Variants in BRINP3 observed in about 807,000 individuals in gnomAD.
BRINP3 encodes BMP/retinoic acid-inducible neural-specific protein 3.
A neutral mutation model predicts 71.0 loss-of-function variants in BRINP3; 19 were observed. The observed-to-expected ratio is 0.27, with a 90% CI of 0.19 to 0.39. The LOEUF (loss-of-function observed/expected upper bound fraction) is 0.39, where lower values mean the gene tolerates loss of function less well. Ranked by LOEUF, BRINP3 falls within the 10% of genes least tolerant of loss-of-function variation. The pLI is 1.00. For missense variants in BRINP3, 959 were observed against 940.8 expected (o/e 1.02, Z -0.25); for synonymous variants, 380 against 337.7 (o/e 1.13, Z -1.37).
chr1:190,365,806 G>GTACA (rs1669456399), intron 2 of BRINP3, among the ~76,000 whole-genome samples: 1 of 127,876 alleles, frequency 7.8e-6, no homozygotes. Flanking sequence ...GAGAGCAAGT[G>GTACA]TATATATATA....
At chr1:190,247,287 C>A (rs903745318) in intron 4 of BRINP3, among the ~76,000 whole-genome samples, 7 of 151,792 alleles carry the variant, frequency 4.6e-5, no homozygotes, top group African/African-American at 1.7e-4. Flanking sequence ...AAATAATTTA[C>A]CTGCAATACC....
intron 6 of BRINP3, among the ~76,000 whole-genome samples, chr1:190,182,324 G>A (rs1406134911): frequency 6.6e-6 from 1 of 151,844 alleles, no homozygotes; most frequent in Non-Finnish European, 1.5e-5. Context: ...CAAGAAAGTT[G>A]GATCTTTTGT....
intron 2 of BRINP3, among the ~76,000 whole-genome samples, chr1:190,322,274 T>A (rs1418714981): frequency 6.6e-6 from 1 of 152,058 alleles, no homozygotes; most frequent in East Asian, 1.9e-4. Context: ...AAAGTCCTGA[T>A]AGGTTTGTGC....
chr1:190,257,632 T>C (rs1230392986), intron 4 of BRINP3, among the ~76,000 whole-genome samples: 1 of 152,228 alleles, frequency 6.6e-6, no homozygotes, highest in East Asian at 1.9e-4. Flanking sequence ...CTTTGGTCTT[T>C]GATGTTGGTA....
At chr1:190,282,783 A>G (rs1169248032) in intron 2 of BRINP3, among the ~76,000 whole-genome samples, 2 of 151,984 alleles carry the variant, frequency 1.3e-5, no homozygotes, top group African/African-American at 2.4e-5. Context: ...AAGACAGAAA[A>G]TTAAATTTTT....
chr1:190,336,836 C>CTCCTTCCT (rs35571580), intron 2 of BRINP3, among the ~76,000 whole-genome samples: 13 of 126,570 alleles, frequency 1.0e-4, no homozygotes, highest in South Asian at 3.1e-4. Context: ...CCCTCCCTCC[C>CTCCTTCCT]TCCTTCCTTC....
chr1:190,156,865 G>A (rs75014014), intron 7 of BRINP3, among the ~76,000 whole-genome samples: 2,507 of 151,968 alleles, frequency 0.016, 58 homozygotes, highest in African/African-American at 0.057. Context: ...TGTGTTGGAC[G>A]CTCCCAGTTT....
chr1:190,441,087 T>C (rs1384348893), intron 2 of BRINP3, among the ~76,000 whole-genome samples: 1 of 151,876 alleles, frequency 6.6e-6, no homozygotes, highest in Non-Finnish European at 1.5e-5. Context: ...GTAAAATACT[T>C]GAATGTTATG....
In BRINP3 at chr1:190,097,803, T is replaced by C. The variant is rs1032363526; in HGVS notation, c.*215A>G. On this transcript the variant is annotated 3_prime_UTR_variant, in exon 8 of 8. Coordinates refer to ENST00000367462, the MANE Select transcript of BRINP3 (RefSeq NM_199051.3). ...GTAAAAAGTAGAATGTCTTCTAGAC[T>C]GGTGTCAGTATTTATGTCATTCATA... is the stretch of plus-strand genomic sequence containing the variant. 3.9e-6 allele frequency: 2 copies of C among 508,744 alleles called. No homozygotes were observed. Among genetic ancestry groups the C allele is most frequent in the Non-Finnish European group, 6.9e-6 (2 of 289,890 alleles). 31.5% of individuals were successfully genotyped at this position (508,744 alleles called of 1,614,324 possible). A position where few individuals can be genotyped will look rare whatever the true frequency, so the allele number is the denominator to read the frequency against.
intron 2 of BRINP3, among the ~76,000 whole-genome samples, chr1:190,441,703 T>G (rs563762692): frequency 3.5e-4 from 53 of 152,188 alleles, no homozygotes; most frequent in African/African-American, 1.2e-3. Flanking sequence ...AGGTCAAATA[T>G]GTTTTTATTA....
chr1:190,445,961 C>T (rs1675191645), intron 2 of BRINP3, among the ~76,000 whole-genome samples: 1 of 152,030 alleles, frequency 6.6e-6, no homozygotes, highest in African/African-American at 2.4e-5. Context: ...TAGTAACAAA[C>T]ATGAATACAC....
intron 2 of BRINP3, among the ~76,000 whole-genome samples, chr1:190,430,292 T>C (rs1056696529): frequency 6.6e-6 from 1 of 152,152 alleles, no homozygotes; most frequent in Non-Finnish European, 1.5e-5. Context: ...GTGCACAATG[T>C]GATTAAAAGA....
At chr1:190,396,111 G>A (rs998203111) in intron 2 of BRINP3, among the ~76,000 whole-genome samples, 5 of 151,780 alleles carry the variant, frequency 3.3e-5, no homozygotes, top group African/African-American at 1.2e-4. Context: ...TTTGAAGGCA[G>A]AGAATATTAT....
At chr1:190,129,236 G>T (rs116225963) in intron 7 of BRINP3, among the ~76,000 whole-genome samples, 1,928 of 151,734 alleles carry the variant, frequency 0.013, 34 homozygotes, top group African/African-American at 0.044. Context: ...TTTTTTAGTC[G>T]TTTTCCTCTT....
intron 2 of BRINP3, among the ~76,000 whole-genome samples, chr1:190,379,381 A>T (rs1670375037): frequency 3.3e-5 from 5 of 152,180 alleles, no homozygotes; most frequent in Admixed American, 3.3e-4. Context: ...AACAATAACC[A>T]ATGAAAATAT....
chr1:190,445,609 T>G (rs1675164431), intron 2 of BRINP3, among the ~76,000 whole-genome samples: 1 of 149,206 alleles, frequency 6.7e-6, no homozygotes, highest in African/African-American at 2.5e-5. Context: ...TCAAGAAAAA[T>G]GTCAGGGAAC....
chr1:190,354,677 A>C (rs1161919304), intron 2 of BRINP3, among the ~76,000 whole-genome samples: 1 of 151,534 alleles, frequency 6.6e-6, no homozygotes, highest in African/African-American at 2.4e-5. Context: ...GTGATACCTC[A>C]CTAAATATTT....
intron 6 of BRINP3, among the ~76,000 whole-genome samples, chr1:190,194,660 A>C (rs1221770358): frequency 6.6e-6 from 1 of 152,084 alleles, no homozygotes; most frequent in Non-Finnish European, 1.5e-5. Context: ...CTATTGTTAA[A>C]ATGATAGAAT....
intron 2 of BRINP3, among the ~76,000 whole-genome samples, chr1:190,355,625 C>T (rs2102074794): frequency 6.6e-6 from 1 of 151,722 alleles, no homozygotes; most frequent in South Asian, 2.1e-4. Context: ...TTTTTAATTT[C>T]CTGATTGTTC....
Sources: allele counts gnomAD v4.1 joint callset (sites outside exome capture counted in the v4.1 genomes callset), GRCh38; gene constraint gnomAD v4.1.1; transcripts MANE v1.5; gene names NCBI Gene and HGNC (gene_info 2026-07-23, HGNC 2026-07-21).